The following CUX1 variants were observed in gnomAD, a reference collection of about 807,000 sequenced individuals.
CUX1 encodes protein CASP.
In CUX1, 31 loss-of-function variants were observed where a neutral mutation model predicts 158.8. The ratio of observed to expected loss-of-function variants is 0.20; its 90% CI spans 0.15 to 0.26. The LOEUF (loss-of-function observed/expected upper bound fraction) is 0.26. Among genes scored for constraint, CUX1 ranks in the 10% least tolerant of loss-of-function variants. The pLI is 1.00. For missense variants in CUX1, 1,589 were observed against 2,014.6 expected (o/e 0.79, Z 4.04); for synonymous variants, 879 against 862.1 (o/e 1.02, Z -0.34).
intron 8 of CUX1, among the ~76,000 whole-genome samples, chr7:102,135,023 A>G (rs781897177): frequency 1.4e-4 from 22 of 152,138 alleles, no homozygotes; most frequent in Admixed American, 3.9e-4. Context: ...TTACCTATCA[A>G]TTAATTGCTT....
intron 1 of CUX1, among the ~76,000 whole-genome samples, chr7:101,887,405 C>G (rs1185048760): frequency 1.3e-5 from 2 of 151,990 alleles, no homozygotes; most frequent in Non-Finnish European, 2.9e-5. Context: ...CTCCTGGGCT[C>G]AAGCAGTCCT....
chr7:101,984,733 A>G lies in CUX1; in HGVS notation c.142-43365A>G, dbSNP rs865978022. ...GAGGTGGCTGGCGTTCGCAAAACTCAGTCGTAAAAAACAGCACGTTCTCAG... is the reference window on the plus strand; with the variant it reads ...GAGGTGGCTGGCGTTCGCAAAACTCGGTCGTAAAAAACAGCACGTTCTCAG... On this transcript the variant is annotated intron_variant, in intron 2 of 23. Transcript: ENST00000292535. Among the ~76,000 whole-genome samples, 65 of 152,314 alleles carry G rather than the reference A, an allele frequency of 4.3e-4. No homozygotes were observed. The Middle Eastern group carries it at 0.017, about 40-fold the overall frequency.
downstream of CUX1, among the ~76,000 whole-genome samples, chr7:102,260,886 C>T (rs1790357448): frequency 6.6e-6 from 1 of 152,242 alleles, no homozygotes; most frequent in African/African-American, 2.4e-5. Context: ...CTGCTCCTCT[C>T]CACGGTCTTA....
chr7:101,927,738 A>G (rs556134362), intron 2 of CUX1, among the ~76,000 whole-genome samples: 1 of 152,240 alleles, frequency 6.6e-6, no homozygotes, highest in South Asian at 2.1e-4. Context: ...TTTCTGGGCC[A>G]AAGGCCCAGA....
chr7:101,905,575 C>T lies in CUX1; in HGVS notation c.31-10540C>T, dbSNP rs117403272. Among the ~76,000 whole-genome samples, 110 of 152,328 alleles carry T rather than the reference C, an allele frequency of 7.2e-4. No individual in the cohort carries two copies. In the East Asian group the frequency reaches 0.017, roughly 24 times the overall value. ...AGACACCTCTTTCCTCTCCTAGACCCGGAACATCCTCTCTTCTTCAGGGTA... is the reference window on the plus strand; with the variant it reads ...AGACACCTCTTTCCTCTCCTAGACCTGGAACATCCTCTCTTCTTCAGGGTA... On this transcript the variant is annotated intron_variant, in intron 1 of 23. Transcript: ENST00000292535.
intron 3 of CUX1, among the ~76,000 whole-genome samples, chr7:102,053,246 G>A (rs1823742571): frequency 6.6e-6 from 1 of 152,250 alleles, no homozygotes; most frequent in Non-Finnish European, 1.5e-5. Flanking sequence ...TATCTTTGGA[G>A]AAACATCTAT....
chr7:102,158,712 A>AT (rs1790071790), intron 9 of CUX1, 104 bp downstream of exon 9: 2 of 1,061,960 alleles, frequency 1.9e-6, no homozygotes, highest in Non-Finnish European at 2.9e-6. Flanking sequence ...TTATCCTTCC[A>AT]TTTTTTACTG....
chr7:102,153,480 GTCC>G (rs1382997813), intron 8 of CUX1: 2 of 152,280 alleles, frequency 1.3e-5, no homozygotes, highest in East Asian at 1.9e-4. Flanking sequence ...GGGAGACGGT[GTCC>G]TCCTGTTGCT....
chr7:102,073,178 T>TTTTTTTTA (rs1826339269), intron 4 of CUX1, among the ~76,000 whole-genome samples: 1 of 127,510 alleles, frequency 7.8e-6, no homozygotes, highest in Non-Finnish European at 1.6e-5. Context: ...TTTTTTTTTT[T>TTTTTTTTA]TTTTTTTTTT....
chr7:102,060,911 C>CTTTTTTT (rs1039443388), intron 3 of CUX1, among the ~76,000 whole-genome samples: 5 of 79,464 alleles, frequency 6.3e-5, no homozygotes, highest in African/African-American at 2.9e-4. Flanking sequence ...CGCGCCTGGC[C>CTTTTTTT]TTTTTTTTTT....
chr7:102,048,132 T>G (rs1823034125), intron 3 of CUX1, among the ~76,000 whole-genome samples: 1 of 152,196 alleles, frequency 6.6e-6, no homozygotes, highest in Non-Finnish European at 1.5e-5. Flanking sequence ...ATCATCATCA[T>G]TCTGAGTTAC....
chr7:102,132,462 G>A (rs1172460781), intron 8 of CUX1, among the ~76,000 whole-genome samples: 1 of 151,736 alleles, frequency 6.6e-6, no homozygotes, highest in Non-Finnish European at 1.5e-5. Flanking sequence ...GTTATTCTCC[G>A]TAACTTCCCC....
chr7:102,041,256 CTTTTT>C (rs11427183), intron 3 of CUX1, among the ~76,000 whole-genome samples: 229 of 69,898 alleles, frequency 3.3e-3, no homozygotes, highest in African/African-American at 0.011. Flanking sequence ...CTTATCCATT[CTTTTT>C]TTTTTTTTTT....
At chr7:101,851,362 G>C (rs1456327922) in intron 1 of CUX1, among the ~76,000 whole-genome samples, 9 of 151,616 alleles carry the variant, frequency 5.9e-5, no homozygotes, top group Non-Finnish European at 2.9e-5. Context: ...TGCCCAGCTG[G>C]GTCTCCCATT....
chr7:102,025,057 C>T (rs77860835), intron 2 of CUX1, among the ~76,000 whole-genome samples: 1,831 of 152,214 alleles, frequency 0.012, 12 homozygotes, highest in South Asian at 0.027. Context: ...CTCGCGCTGC[C>T]GGCATTCCTA....
chr7:101,881,689 C>A (rs1347830798), intron 1 of CUX1, among the ~76,000 whole-genome samples: 1 of 152,142 alleles, frequency 6.6e-6, no homozygotes, highest in East Asian at 1.9e-4. Context: ...TTTGACAGCA[C>A]CTGTTAGGCT....
Position 102,201,647 on chromosome 7 carries a change from C to G in CUX1, c.2350C>G (p.Leu784Val), listed in dbSNP as rs368180302. The G allele has an allele frequency of 1.7e-4, 270 of 1,613,476 alleles. No homozygotes were observed. Among genetic ancestry groups the G allele is most frequent in the Non-Finnish European group, 2.2e-4 (263 of 1,179,904 alleles). The change falls in exon 18 of 24, where the codon CTC becomes GTC. Residue 784 changes from leucine to valine, a missense_variant. Transcript: ENST00000292535. This position sits in a 1 kb window ranked among gnomAD's most constrained non-coding sequence, Gnocchi z 5.0. ...CTCTGCTCTGCCGAACCCCCCGGCC[C>G]TCAAAAAGGAGGCCCAGGACGCCCC... ...GASALPNPPA[L>V]KKEAQDAPGL...
chr7:101,975,430 G>T (rs932676919), intron 2 of CUX1, among the ~76,000 whole-genome samples: 5 of 151,754 alleles, frequency 3.3e-5, no homozygotes, highest in African/African-American at 1.2e-4. Context: ...GGTGGCATGT[G>T]CTTGTAGTCC....
In CUX1 at chr7:102,104,366, T is replaced by A; in HGVS notation, c.437T>A (p.Ile146Asn). 6.2e-7 allele frequency: 1 copy of A among 1,608,776 alleles called. No homozygotes were observed. The highest frequency in any genetic ancestry group is 1.3e-5 in the African/African-American group (1 of 74,656). ...ACGATAAAAGCACTTAAAGAGAAAA[T>A]CCGAGAATATGAACAGACACTGAAG... The part of the protein sequence containing the change: ...EVTIKALKEK[I>N]REYEQTLKNQ... Residue 146 changes from isoleucine (I) to asparagine (N), a missense_variant, in exon 6 of 24, where the codon ATC (isoleucine) becomes AAC (asparagine). Coordinates refer to ENST00000292535, the MANE Select transcript of CUX1 (RefSeq NM_181552.4).
Sources: gnomAD v4.1 joint callset for allele counts (sites outside exome capture counted in the v4.1 genomes callset) on GRCh38, gnomAD v4.1.1 for gene constraint, Gnocchi (gnomAD v3.1) non-coding constraint, MANE v1.5 for transcripts, NCBI Gene and HGNC (gene_info 2026-07-23, HGNC 2026-07-21) for gene names.